Variants in SCN3B observed in about 807,000 individuals in gnomAD.
SCN3B encodes the protein sodium channel regulatory subunit beta-3.
Under a neutral mutation model 25.4 loss-of-function variants are expected in SCN3B, and 11 were observed. The ratio of observed to expected loss-of-function variants is 0.43; its 90% CI spans 0.27 to 0.72. The LOEUF is 0.72. Among genes scored for constraint, SCN3B ranks in the 30% least tolerant of loss-of-function variants. The pLI is 0.18. For synonymous variants in SCN3B, 109 were observed against 110.7 expected (o/e 0.99, Z 0.09); for missense variants, 218 against 278.3 (o/e 0.78, Z 1.54).
chr11:123,644,182 C>A (rs1476589784), intron 3 of SCN3B, among the ~76,000 whole-genome samples: 1 of 152,214 alleles, frequency 6.6e-6, no homozygotes, highest in African/African-American at 2.4e-5. Context: ...TCAGTTTCCT[C>A]ATTTCTGTGT....
chr11:123,651,291 C>A (rs966776701), intron 2 of SCN3B, among the ~76,000 whole-genome samples: 6 of 152,048 alleles, frequency 3.9e-5, no homozygotes, highest in African/African-American at 1.4e-4. Context: ...GGGAACACAT[C>A]TAACCCAGCA....
intron 3 of SCN3B, among the ~76,000 whole-genome samples, chr11:123,643,397 T>C (rs1955812993): frequency 6.6e-6 from 1 of 152,284 alleles, no homozygotes; most frequent in Admixed American, 6.5e-5. Flanking sequence ...AACTCATTTC[T>C]GACTCTAGCT....
At chr11:123,641,234 A>G (rs1377903436) in intron 4 of SCN3B, 1 of 152,288 alleles carries the variant, frequency 6.6e-6, no homozygotes, top group Non-Finnish European at 1.5e-5. Flanking sequence ...CCCCCCGCCA[A>G]CCCCTTCATT....
At chr11:123,638,498 ATCAGCTGC>A in intron 4 of SCN3B, 174 bp from the exon 5 acceptor site, 1 of 832,012 alleles carries the variant, frequency 1.2e-6, no homozygotes, top group South Asian at 1.6e-5. Context: ...ACTGACTGTC[ATCAGCTGC>A]TCAGGAGCCA....
intron 2 of SCN3B, 49 bp from the exon 3 acceptor site, chr11:123,645,799 G>T: frequency 6.3e-7 from 1 of 1,595,656 alleles, no homozygotes. Context: ...TGGTGGGGGA[G>T]GGGCACAGGA....
chr11:123,642,711 G>C lies in SCN3B; in HGVS notation c.220-40C>G. ...GCAGAAGAGGGTAGGGCCAGGAAAG[G>C]AGATGGCAGTGGGGGGAAGCCGAGT... On this transcript the variant is annotated intron_variant, in intron 3 of 6. Coordinates refer to ENST00000299333, the MANE Select transcript of SCN3B (RefSeq NM_001040151.2). This position sits in a 1 kb window ranked among gnomAD's most constrained non-coding sequence, Gnocchi z 4.3. 6.5e-7 allele frequency: 1 copy of C among 1,532,616 alleles called. No individual in the cohort carries two copies. Among genetic ancestry groups the C allele is most frequent in the Middle Eastern group, 1.7e-4 (1 of 5,900 alleles). The allele number at this position is 1,532,616 out of a possible 1,614,324, so 94.9% of individuals were successfully genotyped here. A position where few individuals can be genotyped will look rare whatever the true frequency, so the allele number is the denominator to read the frequency against.
intron 2 of SCN3B, 55 bp from the exon 3 acceptor site, chr11:123,645,805 C>G: frequency 6.3e-7 from 1 of 1,582,796 alleles, no homozygotes; most frequent in South Asian, 1.1e-5. Flanking sequence ...GGGAGGGGCA[C>G]AGGAGAGAAA....
At chr11:123,649,179 G>T (rs992911025) in intron 2 of SCN3B, among the ~76,000 whole-genome samples, 2 of 152,194 alleles carry the variant, frequency 1.3e-5, no homozygotes, top group Non-Finnish European at 2.9e-5. Context: ...TGATTTGCTG[G>T]ATTAACATCT....
In SCN3B at chr11:123,642,579, G is replaced by A. The variant is rs752683274; in HGVS notation, c.312C>T (p.Ser104=). ...TCAGAGTGACGTTGAGCACAGTGATGGACACGTCCTGCAGGTCCTTGCTGC... is the reference window on the plus strand; with the variant it reads ...TCAGAGTGACGTTGAGCACAGTGATAGACACGTCCTGCAGGTCCTTGCTGC... ...WNGSKDLQDV[S]ITVLNVTLND... The change falls in exon 4 of 7, where the codon TCC becomes TCT. Residue 104 remains serine (S), a synonymous_variant. Coordinates refer to ENST00000299333, the MANE Select transcript of SCN3B (RefSeq NM_001040151.2). This position sits in a 1 kb window ranked among gnomAD's most constrained non-coding sequence, Gnocchi z 4.3. The A allele has an allele frequency of 1.6e-5, 25 of 1,612,188 alleles. No homozygotes were observed. Among genetic ancestry groups the A allele is most frequent in the Admixed American group, 3.3e-5 (2 of 59,988 alleles).
chr11:123,639,172 A>G (rs1955760400), intron 4 of SCN3B: 1 of 152,338 alleles, frequency 6.6e-6, no homozygotes, highest in South Asian at 2.1e-4. Context: ...TCTGCTACAC[A>G]CTGTGGTATG....
rs192114895 is a variant in SCN3B, at chr11:123,647,498, T to C, written c.56-1748A>G. ...ATCTCTTGAAAAAATAAAAACAACA[T>C]GATGGTCACCGCAGATTCTTATATT... On this transcript the variant is annotated intron_variant, in intron 2 of 6. Coordinates refer to ENST00000299333, the MANE Select transcript of SCN3B (RefSeq NM_001040151.2). Among the ~76,000 whole-genome samples, 152 of 152,014 alleles carry C rather than the reference T, an allele frequency of 1.0e-3. No homozygotes were observed. The East Asian group carries it at 0.015, about 15-fold the overall frequency.
chr11:123,645,950 TGGA>T (rs1374781049), intron 2 of SCN3B, among the ~76,000 whole-genome samples, 200 bp from the exon 3 acceptor site: 1 of 152,126 alleles, frequency 6.6e-6, no homozygotes, highest in Non-Finnish European at 1.5e-5. Context: ...GTGTACACAT[TGGA>T]GGAGACCTGG....
chr11:123,651,571 C>T (rs1955926107), intron 2 of SCN3B, among the ~76,000 whole-genome samples: 1 of 152,150 alleles, frequency 6.6e-6, no homozygotes, highest in Non-Finnish European at 1.5e-5. Flanking sequence ...GCCGTGTTGG[C>T]CAGGCTGGTC....
intron 5 of SCN3B, among the ~76,000 whole-genome samples, chr11:123,634,833 C>T (rs1193629803): frequency 6.6e-6 from 1 of 152,228 alleles, no homozygotes; most frequent in East Asian, 1.9e-4. Flanking sequence ...GAAATTTGTT[C>T]ATCTGCTTTC....
chr11:123,653,967 G>T, intron 1 of SCN3B, 141 bp from the exon 2 acceptor site: 4 of 766,642 alleles, frequency 5.2e-6, no homozygotes, highest in Non-Finnish European at 8.8e-6. Flanking sequence ...GGCCCTGGGA[G>T]CTTTTGGAGC....
At position 123,652,379 on chromosome 11, in the gene SCN3B, C is replaced by G. The variant is rs79048900; in HGVS notation, c.55+1368G>C. Among the ~76,000 whole-genome samples, 351 of 152,368 alleles carry G rather than the reference C, an allele frequency of 2.3e-3. 10 individuals carry two copies. The East Asian group carries it at 0.062, about 27-fold the overall frequency. On this transcript the variant is annotated intron_variant, in intron 2 of 6. Transcript: ENST00000299333. ...TTGGGGCTGACATTACCTCCCTCCT[C>G]AACCTTCCTAGTCCGTCTCATCAGG...
At position 123,642,563 on chromosome 11, in the gene SCN3B, CGTT is replaced by C; in HGVS notation, c.325_327del (p.Asn109del). Reference sequence around the variant, plus strand: ...TAGAGGCCAGAGTCGTTCAGAGTGACGTTGAGCACAGTGATGGACACGTCCTGC... The same window carrying C: ...TAGAGGCCAGAGTCGTTCAGAGTGACGAGCACAGTGATGGACACGTCCTGC... On this transcript the variant is annotated inframe_deletion, in exon 4 of 7. Transcript: ENST00000299333. This position sits in a 1 kb window ranked among gnomAD's most constrained non-coding sequence, Gnocchi z 4.3. 1 of 1,614,148 alleles carries C rather than the reference CGTT, an allele frequency of 6.2e-7. No homozygotes were observed. Among genetic ancestry groups the C allele is most frequent in the Non-Finnish European group, 8.5e-7 (1 of 1,180,016 alleles).
rs1219641193 is a variant in SCN3B at position 123,645,639 on chromosome 11, G to A, written c.167C>T (p.Ala56Val). Reference sequence around the variant, plus strand: ...GTAGAACCATTCCACCACCGTGGTGGCCTCCACCTCCTCTCTCTTCATGCA... The same window carrying A: ...GTAGAACCATTCCACCACCGTGGTGACCTCCACCTCCTCTCTCTTCATGCA... ...ISCMKREEVEATTVVEWFYRP... is the reference protein window; with the variant it reads ...ISCMKREEVEVTTVVEWFYRP... Residue 56 changes from alanine (A) to valine (V), a missense_variant, in exon 3 of 7, where the codon GCC becomes GTC. Coordinates refer to ENST00000299333, the MANE Select transcript of SCN3B (RefSeq NM_001040151.2). The A allele has an allele frequency of 6.2e-7, 1 of 1,614,148 alleles. No homozygotes were observed. The highest frequency in any genetic ancestry group is 1.1e-5 in the South Asian group (1 of 91,082).
intron 5 of SCN3B, among the ~76,000 whole-genome samples, chr11:123,635,835 CAAA>C (rs1955718706): frequency 6.6e-6 from 1 of 152,162 alleles, no homozygotes; most frequent in African/African-American, 2.4e-5. Context: ...TGTTTGCAAA[CAAA>C]TAGAAGAACA....
Sources: gnomAD v4.1 joint callset for allele counts (sites outside exome capture counted in the v4.1 genomes callset) on GRCh38, gnomAD v4.1.1 for gene constraint, Gnocchi (gnomAD v3.1) non-coding constraint, MANE v1.5 for transcripts, NCBI Gene and HGNC (gene_info 2026-07-23, HGNC 2026-07-21) for gene names.